C3orf52: variants seen among roughly 807,000 people sequenced by gnomAD.
The protein encoded by C3orf52 is chromosome 3 open reading frame 52.
Under a neutral mutation model 24.8 loss-of-function variants are expected in C3orf52, and 22 were observed. That is an observed-to-expected ratio of 0.89 (90% CI 0.63 to 1.27). C3orf52 has a LOEUF of 1.27. Among genes scored for constraint, C3orf52 ranks in the 50% most tolerant of loss-of-function variants. C3orf52 has a pLI of 0.00. For missense variants in C3orf52, 265 were observed against 260.7 expected, an observed-to-expected ratio of 1.02 and a Z score of -0.11; for synonymous variants, 93 against 100.2, an observed-to-expected ratio of 0.93 and a Z score of 0.43.
At chr3:112,108,859 GAA>G (rs1487720114) in intron 3 of C3orf52, among the ~76,000 whole-genome samples, 2 of 152,292 alleles carry the variant, frequency 1.3e-5, no homozygotes, top group East Asian at 3.9e-4. Context: ...TTAGTATTAA[GAA>G]AGAGAGAGAG....
chr3:112,130,558 G>A (rs1209317916), downstream of C3orf52: 4 of 1,518,116 alleles, frequency 2.6e-6, no homozygotes, highest in South Asian at 2.2e-5. Context: ...TTCCTAAACA[G>A]GCCTGTCACT....
chr3:112,131,369 G>A (rs1432959901), downstream of C3orf52, among the ~76,000 whole-genome samples: 1 of 152,196 alleles, frequency 6.6e-6, no homozygotes, highest in African/African-American at 2.4e-5. Flanking sequence ...ATTTGATCTG[G>A]AGAGACACGG....
chr3:112,106,390 A>T (rs928335080), intron 3 of C3orf52, among the ~76,000 whole-genome samples: 3 of 151,812 alleles, frequency 2.0e-5, no homozygotes, highest in Non-Finnish European at 4.4e-5. Flanking sequence ...ATCCCACTCC[A>T]CCACACTGGC....
chr3:112,113,607 G>A (rs759134450), intron 5 of C3orf52, among the ~76,000 whole-genome samples: 14 of 152,056 alleles, frequency 9.2e-5, no homozygotes, highest in Admixed American at 2.0e-4. Context: ...TTCTGTTGAA[G>A]GCCACTGAGA....
chr3:112,135,696 C>T (rs1449081650), downstream of C3orf52, among the ~76,000 whole-genome samples: 3 of 152,190 alleles, frequency 2.0e-5, no homozygotes, highest in African/African-American at 7.2e-5. Context: ...CAGCCCTGGA[C>T]AGAGAGCCTC....
intron 2 of C3orf52, among the ~76,000 whole-genome samples, chr3:112,102,002 A>G (rs1014629955): frequency 1.3e-5 from 2 of 152,214 alleles, no homozygotes; most frequent in African/African-American, 2.4e-5. Context: ...GCAGCAATAC[A>G]TAACTAATTG....
At chr3:112,099,951 A>G (rs547153254) in intron 2 of C3orf52, among the ~76,000 whole-genome samples, 7 of 152,220 alleles carry the variant, frequency 4.6e-5, no homozygotes, top group African/African-American at 1.7e-4. Flanking sequence ...TCAGAGATTT[A>G]AGTGACTTGC....
intron 2 of C3orf52, among the ~76,000 whole-genome samples, chr3:112,099,011 C>A (rs1005933808): frequency 6.6e-6 from 1 of 152,100 alleles, no homozygotes; most frequent in Non-Finnish European, 1.5e-5. Flanking sequence ...CTTTGCTATT[C>A]TCATGATAGT....
chr3:112,130,391 AC>A, downstream of C3orf52: 1 of 1,430,866 alleles, frequency 7.0e-7, no homozygotes, highest in Non-Finnish European at 9.9e-7. Flanking sequence ...GGCTTGACAT[AC>A]TTCGTTCTCC....
Position 112,093,363 on chromosome 3 carries a change from A to G in C3orf52, c.142A>G (p.Asn48Asp). ...LDEEVPPAEA[N>D]KESPWSSCNK... The stretch of plus-strand genomic sequence containing the variant: ...CAATCTCCCTCTGCCTTTCTAGGCT[A>G]ACAAGGAAAGCCCCTGGAGCTCCTG... The change falls in exon 2 of 6, where the codon AAC (asparagine) becomes GAC (aspartate). Residue 48 changes from asparagine to aspartate, a missense_variant. Transcript: ENST00000264848. 1 of 1,613,838 alleles carries G rather than the reference A, an allele frequency of 6.2e-7. No individual in the cohort carries two copies. The highest frequency in any genetic ancestry group is 1.1e-5 in the South Asian group (1 of 91,056).
intron 4 of C3orf52, chr3:112,111,796 G>A (rs1039465536): frequency 1.3e-5 from 2 of 151,446 alleles, no homozygotes; most frequent in African/African-American, 4.9e-5. Context: ...CTGGATTGCA[G>A]TTTGAAAGTG....
chr3:112,123,666 T>A (rs1457734458), intron 4 of C3orf52: 1 of 1,614,158 alleles, frequency 6.2e-7, no homozygotes, highest in East Asian at 2.2e-5. Flanking sequence ...GCAGGGAACA[T>A]TCTCATAGTA....
intron 2 of C3orf52, among the ~76,000 whole-genome samples, chr3:112,099,708 A>G (rs2073955337): frequency 6.6e-6 from 1 of 152,204 alleles, no homozygotes; most frequent in African/African-American, 2.4e-5. Flanking sequence ...CATACTTAAT[A>G]CAGTAGCTAT....
At chr3:112,091,554 C>T (rs867641443) in intron 1 of C3orf52, among the ~76,000 whole-genome samples, 26 of 152,200 alleles carry the variant, frequency 1.7e-4, no homozygotes, top group African/African-American at 6.3e-4. Flanking sequence ...ATCTGGTCCA[C>T]TAGGTGCAGG....
intron 4 of C3orf52, chr3:112,127,892 G>A (rs1476169049): frequency 3.3e-5 from 24 of 736,908 alleles, no homozygotes; most frequent in Non-Finnish European, 5.6e-5. Flanking sequence ...TAACTCTTAG[G>A]TGATTGTATC....
At chr3:112,097,486 C>T (rs1193755208) in intron 2 of C3orf52, among the ~76,000 whole-genome samples, 5 of 152,096 alleles carry the variant, frequency 3.3e-5, no homozygotes, top group African/African-American at 4.8e-5. Context: ...ATATAAGCAA[C>T]GACTTCCTAA....
At chr3:112,098,983 C>T (rs528399295) in intron 2 of C3orf52, among the ~76,000 whole-genome samples, 4 of 152,136 alleles carry the variant, frequency 2.6e-5, no homozygotes, top group African/African-American at 9.7e-5. Flanking sequence ...GTGATTGGAT[C>T]ATGGGGGTAG....
chr3:112,126,707 G>A (rs2074328113), intron 4 of C3orf52, among the ~76,000 whole-genome samples: 1 of 152,100 alleles, frequency 6.6e-6, no homozygotes. Flanking sequence ...TCTTGTAAGT[G>A]CCTTTCTCCT....
Position 112,109,584 on chromosome 3 carries a change from T to C in C3orf52, c.438T>C (p.Tyr146=), listed in dbSNP as rs966268121. The C allele has an allele frequency of 1.2e-6, 2 of 1,603,182 alleles. No homozygotes were observed. Among genetic ancestry groups the C allele is most frequent in the South Asian group, 2.2e-5 (2 of 90,478 alleles). The change falls in exon 4 of 6, where the codon TAT becomes TAC. Residue 146 remains tyrosine, a synonymous_variant. Coordinates refer to ENST00000264848, the MANE Select transcript of C3orf52 (RefSeq NM_024616.3). ...GTACATCGCCCTCTCTGGGTCGTTA[T>C]TTTACTTCAGTTGAAATAGTGGACT... ...VYSTSPSLGR[Y]FTSVEIVDFS...
Sources: allele counts gnomAD v4.1 joint callset (sites outside exome capture counted in the v4.1 genomes callset), GRCh38; gene constraint gnomAD v4.1.1; transcripts MANE v1.5; gene names NCBI Gene and HGNC (gene_info 2026-07-23, HGNC 2026-07-21).